Variants in PCDHGA7 observed in about 807,000 individuals in gnomAD.
PCDHGA7 encodes the protein protocadherin gamma-A7.
Under a neutral mutation model 58.3 loss-of-function variants are expected in PCDHGA7, and 44 were observed. The ratio of observed to expected loss-of-function variants is 0.75; its 90% CI spans 0.59 to 0.97. The LOEUF is 0.97. PCDHGA7 is among the 50% of genes least tolerant of loss of function. The pLI is 0.00. For missense variants in PCDHGA7, 1,266 were observed against 1,188.7 expected, an observed-to-expected ratio of 1.06 and a Z score of -0.96; for synonymous variants, 516 against 504.2, an observed-to-expected ratio of 1.02 and a Z score of -0.31.
intron 1 of PCDHGA7, 72 bp from the exon 2 acceptor site, chr5:141,494,735 A>C: frequency 6.2e-7 from 1 of 1,610,712 alleles, no homozygotes; most frequent in Middle Eastern, 1.7e-4. Context: ...CTCCCGGCCC[A>C]TCCCTAGGGG....
chr5:141,484,988 G>A (rs1187402042), intron 1 of PCDHGA7: 2 of 604,830 alleles, frequency 3.3e-6, no homozygotes, highest in Admixed American at 3.0e-5. Context: ...CAATCGGGTG[G>A]TGAAAGGCAG....
At chr5:141,464,279 C>CAAA (rs373828487) in intron 1 of PCDHGA7, among the ~76,000 whole-genome samples, 8 of 137,748 alleles carry the variant, frequency 5.8e-5, no homozygotes, top group Admixed American at 1.5e-4. Flanking sequence ...AAAAAAAAAG[C>CAAA]AAAAAAAAAA....
At chr5:141,403,588 C>T in intron 1 of PCDHGA7, 1 of 1,613,904 alleles carries the variant, frequency 6.2e-7, no homozygotes, top group South Asian at 1.1e-5. Flanking sequence ...ACCTGGTCCT[C>T]ACGGCCTCGG....
At position 141,422,330 on chromosome 5, in the gene PCDHGA7, C is replaced by T. The variant is rs200342957; in HGVS notation, c.2424+37007C>T. 1,454 of 1,548,164 alleles carry T rather than the reference C, an allele frequency of 9.4e-4. 3 individuals carry two copies. The highest frequency in any genetic ancestry group is 7.9e-4 in the Non-Finnish European group (910 of 1,153,526). On this transcript the variant is annotated intron_variant, in intron 1 of 3. Transcript: ENST00000518325. The stretch of plus-strand genomic sequence containing the variant: ...AACTCTCCTCCAGGTACAGTGATTG[C>T]TCTTCTAAATGTGCAAGATCAAGAT...
In PCDHGA7 at chr5:141,490,823, A is replaced by T. The variant is rs1340589166; in HGVS notation, c.2425-3984A>T. ...CGTACCTTTGACTATGAATTGCTGC[A>T]GATGCTGCAGATTGTGGTGGGGGTT... On this transcript the variant is annotated intron_variant, in intron 1 of 3. Transcript: ENST00000518325. This position sits in a 1 kb window ranked among gnomAD's most constrained non-coding sequence, Gnocchi z 5.4. 13 of 1,613,928 alleles carry T rather than the reference A, an allele frequency of 8.1e-6. No individual in the cohort carries two copies. Among genetic ancestry groups the T allele is most frequent in the Non-Finnish European group, 9.3e-6 (11 of 1,179,864 alleles).
rs992592523 is a variant in PCDHGA7 at position 141,432,710 on chromosome 5, C to T, written c.2424+47387C>T. ...CGTAGTGGCCGTCCAGGACCACGGC[C>T]AGCCCCCTCTCTCCGCCACTGTCAC... On this transcript the variant is annotated intron_variant, in intron 1 of 3. Coordinates refer to ENST00000518325, the MANE Select transcript of PCDHGA7 (RefSeq NM_018920.4). This position sits in a 1 kb window ranked among gnomAD's most constrained non-coding sequence, Gnocchi z 6.0. The T allele has an allele frequency of 6.2e-7, 1 of 1,613,884 alleles. No homozygotes were observed.
At chr5:141,401,113 G>A (rs2094114942) in intron 1 of PCDHGA7, among the ~76,000 whole-genome samples, 1 of 152,192 alleles carries the variant, frequency 6.6e-6, no homozygotes, top group Non-Finnish European at 1.5e-5. Flanking sequence ...GGAGGCCGAG[G>A]CGGTTGGATC....
At chr5:141,399,642 G>A (rs755191053) in intron 1 of PCDHGA7, 154 of 1,613,630 alleles carry the variant, frequency 9.5e-5, no homozygotes, top group East Asian at 4.2e-4. Context: ...CCATGAGCGC[G>A]CAAAGTGGGG....
intron 1 of PCDHGA7, chr5:141,415,740 G>GTTTTTTGT (rs2095911797): frequency 1.9e-6 from 1 of 515,998 alleles, no homozygotes; most frequent in East Asian, 8.3e-5. Flanking sequence ...GTTTATTAAG[G>GTTTTTTGT]TTTTTTTTTT....
chr5:141,389,657 G>A lies in PCDHGA7; in HGVS notation c.2424+4334G>A, dbSNP rs372714152. The stretch of plus-strand genomic sequence containing the variant: ...GCTACTTGGTGACCAAGGTAGTGGC[G>A]GTGGACGCAGACTCAGGACACAACG... On this transcript the variant is annotated intron_variant, in intron 1 of 3. Transcript: ENST00000518325. The A allele has an allele frequency of 6.2e-5, 100 of 1,612,554 alleles. 2 individuals are homozygous for A. In the African/African-American group the frequency reaches 1.0e-3, roughly 17 times the overall value.
At chr5:141,408,590 G>A (rs776799830) in intron 1 of PCDHGA7, 4 of 1,613,956 alleles carry the variant, frequency 2.5e-6, no homozygotes, top group East Asian at 2.2e-5. Context: ...TAATGACCAC[G>A]CCCCTCAATT....
chr5:141,488,565 C>A (rs1308485284), intron 1 of PCDHGA7, among the ~76,000 whole-genome samples: 1 of 152,174 alleles, frequency 6.6e-6, no homozygotes, highest in Non-Finnish European at 1.5e-5. Flanking sequence ...GAGATTTCCG[C>A]AAAGCATTGC....
At chr5:141,449,328 C>G (rs1340432771) in intron 1 of PCDHGA7, among the ~76,000 whole-genome samples, 1 of 151,866 alleles carries the variant, frequency 6.6e-6, no homozygotes, top group African/African-American at 2.4e-5. Flanking sequence ...ATCTGTAGGC[C>G]AGGTGCAGTG....
At position 141,382,816 on chromosome 5, in the gene PCDHGA7, T is replaced by G. The variant is rs1778462841; in HGVS notation, c.-84T>G. ...CTGCTGGATTCTGAGCTCCCCTTCC[T>G]AAGACAGAGGGGTCCACCCGGATAC... is the stretch of plus-strand genomic sequence containing the variant. On this transcript the variant is annotated 5_prime_UTR_variant, in exon 1 of 4. Coordinates refer to ENST00000518325, the MANE Select transcript of PCDHGA7 (RefSeq NM_018920.4). 7.8e-7 allele frequency: 1 copy of G among 1,275,448 alleles called. No homozygotes were observed. The highest frequency in any genetic ancestry group is 1.1e-6 in the Non-Finnish European group (1 of 919,200). 79.0% of individuals were successfully genotyped at this position (1,275,448 alleles called of 1,614,324 possible).
chr5:141,451,163 G>A (rs2098709493), intron 1 of PCDHGA7, among the ~76,000 whole-genome samples: 1 of 152,086 alleles, frequency 6.6e-6, no homozygotes, highest in African/African-American at 2.4e-5. Flanking sequence ...TTTTTTGGTA[G>A]TATATTATTT....
chr5:141,418,985 T>G, intron 1 of PCDHGA7: 1 of 1,613,882 alleles, frequency 6.2e-7, no homozygotes, highest in Non-Finnish European at 8.5e-7. Context: ...GGACCAAGAC[T>G]CAGGGGAAAA....
In PCDHGA7 at chr5:141,491,835, G is replaced by C; in HGVS notation, c.2425-2972G>C. On this transcript the variant is annotated intron_variant, in intron 1 of 3. Coordinates refer to ENST00000518325, the MANE Select transcript of PCDHGA7 (RefSeq NM_018920.4). The surrounding 1 kb of genome is among the most constrained non-coding windows in gnomAD (Gnocchi z 6.9). The stretch of plus-strand genomic sequence containing the variant: ...GCTGGCTGCGCTCCACCCGATTCTC[G>C]GGATCATTGGACCGTTTGCGCGAAA... 1 of 1,473,258 alleles carries C rather than the reference G, an allele frequency of 6.8e-7. No individual in the cohort carries two copies. The highest frequency in any genetic ancestry group is 9.0e-7 in the Non-Finnish European group (1 of 1,112,098). The allele number at this position is 1,473,258 out of a possible 1,614,324, so 91.3% of individuals were successfully genotyped here.
In PCDHGA7 at chr5:141,476,875, C is replaced by T; in HGVS notation, c.2425-17932C>T. On this transcript the variant is annotated intron_variant, in intron 1 of 3. Coordinates refer to ENST00000518325, the MANE Select transcript of PCDHGA7 (RefSeq NM_018920.4). The surrounding 1 kb of genome is among the most constrained non-coding windows in gnomAD (Gnocchi z 7.6). ...ACCAGTCCTTGTACCGGGCGCGCGT[C>T]CTGGAGGATGCACCCTCCGGCACGC... 2 of 1,613,928 alleles carry T rather than the reference C, an allele frequency of 1.2e-6. No homozygotes were observed. Among genetic ancestry groups the T allele is most frequent in the Non-Finnish European group, 1.7e-6 (2 of 1,180,044 alleles).
chr5:141,497,240 GA>G (rs1221446648), intron 2 of PCDHGA7, among the ~76,000 whole-genome samples: 125 of 152,188 alleles, frequency 8.2e-4, no homozygotes, highest in African/African-American at 3.0e-3. Flanking sequence ...AGGCTTCTAG[GA>G]GGAGGTGACA....
Sources: allele counts gnomAD v4.1 joint callset (sites outside exome capture counted in the v4.1 genomes callset), GRCh38; gene constraint gnomAD v4.1.1; non-coding constraint Gnocchi (gnomAD v3.1); transcripts MANE v1.5; gene names NCBI Gene and HGNC (gene_info 2026-07-23, HGNC 2026-07-21).